Variants in TRERF1 observed in about 807,000 individuals in gnomAD.
The protein encoded by TRERF1 is transcriptional-regulating factor 1.
In TRERF1, 27 loss-of-function variants were observed where a neutral mutation model predicts 122.9. That is an observed-to-expected ratio of 0.22 (90% CI 0.16 to 0.30). The LOEUF (loss-of-function observed/expected upper bound fraction) is 0.30. TRERF1 is among the 10% of genes least tolerant of loss of function. The probability of loss-of-function intolerance (pLI) is 1.00; values close to 1 mark genes in which losing one functional copy is unlikely to be tolerated. For missense variants in TRERF1, 1,248 were observed against 1,560.3 expected, an observed-to-expected ratio of 0.80 and a Z score of 3.37; for synonymous variants, 636 against 641.7, an observed-to-expected ratio of 0.99 and a Z score of 0.13.
At chr6:42,425,247 C>T (rs1343249811) in intron 2 of TRERF1, among the ~76,000 whole-genome samples, 1 of 152,200 alleles carries the variant, frequency 6.6e-6, no homozygotes, top group Non-Finnish European at 1.5e-5. Flanking sequence ...GAATGGGTCA[C>T]ATACTTCACA....
At chr6:42,396,553 T>C (rs1778623357) in intron 2 of TRERF1, among the ~76,000 whole-genome samples, 1 of 152,242 alleles carries the variant, frequency 6.6e-6, no homozygotes, top group Non-Finnish European at 1.5e-5. Context: ...ACTTTTATTG[T>C]AACAGTATGG....
chr6:42,329,440 C>T (rs1219588795), intron 3 of TRERF1, among the ~76,000 whole-genome samples: 1 of 152,098 alleles, frequency 6.6e-6, no homozygotes, highest in Non-Finnish European at 1.5e-5. Flanking sequence ...AATGTGAAGG[C>T]TCAGGTGGGG....
intron 3 of TRERF1, among the ~76,000 whole-genome samples, chr6:42,334,837 C>T (rs945253349): frequency 2.6e-5 from 4 of 152,348 alleles, no homozygotes; most frequent in Middle Eastern, 3.4e-3. Context: ...AGGAGCCCCA[C>T]GTGTGCTTGA....
chr6:42,363,546 A>G (rs1772173680), intron 2 of TRERF1, among the ~76,000 whole-genome samples: 1 of 152,096 alleles, frequency 6.6e-6, no homozygotes, highest in African/African-American at 2.4e-5. Context: ...TGGGGGTTGA[A>G]CTGTGTCTCC....
At chr6:42,316,897 G>T (rs904662062) in intron 3 of TRERF1, among the ~76,000 whole-genome samples, 1 of 152,098 alleles carries the variant, frequency 6.6e-6, no homozygotes, top group South Asian at 2.1e-4. Flanking sequence ...CACAAGATTT[G>T]TGACTTCCCC....
chr6:42,319,921 A>C (rs531203040), intron 3 of TRERF1, among the ~76,000 whole-genome samples: 110 of 151,296 alleles, frequency 7.3e-4, no homozygotes, highest in African/African-American at 2.0e-3. Flanking sequence ...TTTTGTTTTG[A>C]GATGGAGTCT....
intron 8 of TRERF1, among the ~76,000 whole-genome samples, chr6:42,261,114 C>T (rs984621680): frequency 6.6e-6 from 1 of 151,952 alleles, no homozygotes; most frequent in Non-Finnish European, 1.5e-5. Flanking sequence ...CCAGAGGGCT[C>T]CTCAGCGCCT....
intron 2 of TRERF1, among the ~76,000 whole-genome samples, chr6:42,387,320 T>C (rs934578741): frequency 2.0e-5 from 3 of 152,220 alleles, no homozygotes; most frequent in African/African-American, 7.2e-5. Context: ...CGCTGCAAAC[T>C]TCTTACTAGC....
In TRERF1 at chr6:42,349,079, C is replaced by T. The variant is rs754678; in HGVS notation, c.-371+13918G>A. On this transcript the variant is annotated intron_variant, in intron 3 of 17. Coordinates refer to ENST00000372922, the Ensembl canonical transcript of TRERF1. ...CTGCAGAAGGCTCTGTATAATGCAC[C>T]GTGAGGATTTGGAGGTACCTACTTC... Among the ~76,000 whole-genome samples, 754 of 152,220 alleles carry T rather than the reference C, an allele frequency of 5.0e-3. 4 individuals carry two copies. Among genetic ancestry groups the T allele is most frequent in the African/African-American group, 0.017 (712 of 41,536 alleles).
Position 42,269,755 on chromosome 6 carries a change from T to G in TRERF1, c.-165A>C. ...CTGGAGCCAGGTGTTCCTGTTGGCC[T>G]GTACCACTCATGTGCAGGGCGGGGG... On this transcript the variant is annotated 5_prime_UTR_variant, in exon 5 of 18. Coordinates refer to ENST00000372922, the Ensembl canonical transcript of TRERF1. The surrounding 1 kb of genome is among the most constrained non-coding windows in gnomAD (Gnocchi z 4.9). 6.9e-7 allele frequency: 1 copy of G among 1,442,856 alleles called. No homozygotes were observed. The highest frequency in any genetic ancestry group is 9.1e-7 in the Non-Finnish European group (1 of 1,104,878). 89.4% of individuals were successfully genotyped at this position (1,442,856 alleles called of 1,614,324 possible).
intron 4 of TRERF1, among the ~76,000 whole-genome samples, chr6:42,279,831 G>A (rs1295849195): frequency 1.3e-5 from 2 of 152,126 alleles, no homozygotes; most frequent in Non-Finnish European, 2.9e-5. Flanking sequence ...AAGACATCAA[G>A]CTGTATAAAA....
chr6:42,245,421 C>T (rs1004462323), intron 14 of TRERF1, among the ~76,000 whole-genome samples: 1 of 152,234 alleles, frequency 6.6e-6, no homozygotes, highest in Non-Finnish European at 1.5e-5. Context: ...AGGACACCTC[C>T]GAGGACCATC....
At chr6:42,243,742 G>A (rs956671904) in intron 14 of TRERF1, among the ~76,000 whole-genome samples, 11 of 151,566 alleles carry the variant, frequency 7.3e-5, no homozygotes, top group African/African-American at 2.2e-4. Context: ...CACCATGCCC[G>A]GCTAATTTTT....
chr6:42,376,843 C>T (rs1774979264), intron 2 of TRERF1, among the ~76,000 whole-genome samples: 1 of 147,428 alleles, frequency 6.8e-6, no homozygotes, highest in South Asian at 2.2e-4. Context: ...ACCTGGCCTC[C>T]TCTAGCTAAC....
At chr6:42,321,676 G>A (rs533894065) in intron 3 of TRERF1, among the ~76,000 whole-genome samples, 1 of 152,332 alleles carries the variant, frequency 6.6e-6, no homozygotes, top group Non-Finnish European at 1.5e-5. Flanking sequence ...CTATTCTAAA[G>A]GGGACAGACT....
intron 4 of TRERF1, among the ~76,000 whole-genome samples, chr6:42,279,618 C>T (rs1438273566): frequency 1.3e-5 from 2 of 152,186 alleles, no homozygotes; most frequent in African/African-American, 2.4e-5. Context: ...TGGGGCCAAG[C>T]GGCCAGAACA....
chr6:42,294,992 T>C (rs570460243), intron 4 of TRERF1, among the ~76,000 whole-genome samples: 261 of 151,858 alleles, frequency 1.7e-3, no homozygotes, highest in Middle Eastern at 3.4e-3. Context: ...AGGCTGTTAA[T>C]AGACTTTGAG....
chr6:42,269,145 A>C lies in TRERF1; in HGVS notation c.446T>G (p.Val149Gly), dbSNP rs2149899450. Reference sequence around the variant, plus strand: ...AATTCGCAGGTTTTGGTTGGCAAACACCTGGGTGAAAGAGTCCAGCTTGTG... The same window carrying C: ...AATTCGCAGGTTTTGGTTGGCAAACCCCTGGGTGAAAGAGTCCAGCTTGTG... The change falls in exon 5 of 18, where the codon GTG becomes GGG. Residue 149 changes from valine (V) to glycine (G), a missense_variant. This residue lies in a region of TRERF1 where 946 missense variants were observed against 1,073.0 expected (regional missense o/e 0.88). Coordinates refer to ENST00000372922, the Ensembl canonical transcript of TRERF1. The surrounding 1 kb of genome is among the most constrained non-coding windows in gnomAD (Gnocchi z 4.9). 1 of 1,614,190 alleles carries C rather than the reference A, an allele frequency of 6.2e-7. No homozygotes were observed. Among genetic ancestry groups the C allele is most frequent in the Non-Finnish European group, 8.5e-7 (1 of 1,180,036 alleles).
intron 2 of TRERF1, among the ~76,000 whole-genome samples, chr6:42,368,660 G>A (rs1449818402): frequency 6.6e-6 from 1 of 152,124 alleles, no homozygotes; most frequent in Non-Finnish European, 1.5e-5. Flanking sequence ...AGGACTCCAG[G>A]CAGTAGTTTT....
Sources: gnomAD v4.1 joint callset for allele counts (sites outside exome capture counted in the v4.1 genomes callset) on GRCh38, gnomAD v4.1.1 for gene constraint, gnomAD v4.1.1 regional missense constraint, Gnocchi (gnomAD v3.1) non-coding constraint, MANE v1.5 for transcripts, NCBI Gene and HGNC (gene_info 2026-07-23, HGNC 2026-07-21) for gene names.